Variants in RAB3GAP1 observed in about 807,000 individuals in gnomAD.
The protein encoded by RAB3GAP1 is RAB3 GTPase activating protein catalytic subunit 1.
Under a neutral mutation model 130.7 loss-of-function variants are expected in RAB3GAP1, and 86 were observed. That is an observed-to-expected ratio of 0.66 (90% CI 0.55 to 0.79). The LOEUF (loss-of-function observed/expected upper bound fraction) is 0.79. Among genes scored for constraint, RAB3GAP1 ranks in the 30% least tolerant of loss-of-function variants. The pLI is 0.00. For missense variants in RAB3GAP1, 1,029 were observed against 1,169.4 expected, an observed-to-expected ratio of 0.88 and a Z score of 1.75; for synonymous variants, 367 against 401.7, an observed-to-expected ratio of 0.91 and a Z score of 1.03.
chr2:135,079,392 TCTC>T (rs1212553604), intron 3 of RAB3GAP1, among the ~76,000 whole-genome samples: 2 of 152,208 alleles, frequency 1.3e-5, no homozygotes, highest in Non-Finnish European at 2.9e-5. Context: ...TCAGATGAAT[TCTC>T]CTGAACTAAT....
At chr2:135,089,046 C>A (rs538836220) in intron 3 of RAB3GAP1, among the ~76,000 whole-genome samples, 17 of 152,254 alleles carry the variant, frequency 1.1e-4, no homozygotes, top group African/African-American at 3.4e-4. Context: ...AATCTTTAAT[C>A]CATCTTAAAT....
intron 17 of RAB3GAP1, among the ~76,000 whole-genome samples, chr2:135,148,989 A>G (rs764560186): frequency 1.3e-5 from 2 of 152,186 alleles, no homozygotes; most frequent in Admixed American, 6.5e-5. Context: ...GTCCATGAAT[A>G]TAAGAATGCT....
intron 3 of RAB3GAP1, among the ~76,000 whole-genome samples, chr2:135,081,327 A>AAATATATATAT (rs1363481112): frequency 1.6e-5 from 1 of 64,050 alleles, no homozygotes; most frequent in Non-Finnish European, 2.3e-5. Context: ...AAAAAAAAAA[A>AAATATATATAT]ATATATATAT....
downstream of RAB3GAP1, among the ~76,000 whole-genome samples, chr2:135,174,243 G>A (rs1692941056): frequency 6.6e-6 from 1 of 150,536 alleles, no homozygotes; most frequent in Non-Finnish European, 1.5e-5. Context: ...CCCCAACTTG[G>A]GACCCCATCC....
intron 3 of RAB3GAP1, among the ~76,000 whole-genome samples, chr2:135,079,986 G>A (rs964515999): frequency 1.1e-4 from 16 of 151,998 alleles, no homozygotes; most frequent in African/African-American, 3.4e-4. Context: ...GCGCAGTGGC[G>A]GGCGCCTGTA....
At chr2:135,064,915 ATTT>A (rs545377016) in intron 3 of RAB3GAP1, among the ~76,000 whole-genome samples, 1 of 138,232 alleles carries the variant, frequency 7.2e-6, no homozygotes, top group Admixed American at 7.2e-5. Flanking sequence ...TCTGAAGAGT[ATTT>A]TTTTTTTTTT....
intron 18 of RAB3GAP1, chr2:135,152,859 AC>A (rs1278804853): frequency 1.3e-5 from 2 of 152,338 alleles, no homozygotes; most frequent in African/African-American, 4.8e-5. Flanking sequence ...TCTGTGCCTT[AC>A]CACAAACACT....
At chr2:135,077,971 A>G (rs1689677720) in intron 3 of RAB3GAP1, among the ~76,000 whole-genome samples, 1 of 152,192 alleles carries the variant, frequency 6.6e-6, no homozygotes, top group Non-Finnish European at 1.5e-5. Flanking sequence ...TATGACTTAC[A>G]AATATTTTCT....
At chr2:135,139,073 G>A (rs942738548) in intron 17 of RAB3GAP1, among the ~76,000 whole-genome samples, 1 of 151,924 alleles carries the variant, frequency 6.6e-6, no homozygotes, top group Non-Finnish European at 1.5e-5. Flanking sequence ...CCTGTGAATC[G>A]CCTATGATTT....
At chr2:135,136,099 G>A (rs1691674160) in intron 17 of RAB3GAP1, among the ~76,000 whole-genome samples, 167 bp downstream of exon 17, 1 of 152,224 alleles carries the variant, frequency 6.6e-6, no homozygotes, top group Non-Finnish European at 1.5e-5. Flanking sequence ...GCTGAGGTGG[G>A]CAGATCACCT....
At chr2:135,087,656 T>C (rs1460601277) in intron 3 of RAB3GAP1, among the ~76,000 whole-genome samples, 1 of 152,208 alleles carries the variant, frequency 6.6e-6, no homozygotes, top group African/African-American at 2.4e-5. Context: ...TTTTTAAAAC[T>C]TTCTCTTTCC....
chr2:135,089,835 A>G, intron 3 of RAB3GAP1: 1 of 407,446 alleles, frequency 2.5e-6, no homozygotes, highest in Middle Eastern at 7.8e-4. Context: ...TTAACACGGG[A>G]ACAGAAAACC....
chr2:135,099,539 G>A (rs985795457), intron 5 of RAB3GAP1, among the ~76,000 whole-genome samples: 1 of 151,816 alleles, frequency 6.6e-6, no homozygotes, highest in Non-Finnish European at 1.5e-5. Context: ...CATGTGGGAT[G>A]TTGGTCTGTA....
intron 5 of RAB3GAP1, among the ~76,000 whole-genome samples, chr2:135,109,362 A>G (rs534161001): frequency 1.3e-5 from 2 of 152,106 alleles, no homozygotes; most frequent in Admixed American, 1.3e-4. Flanking sequence ...GGTAACCATA[A>G]TTATTTTGCC....
At chr2:135,096,606 CAG>C (rs1248434169) in intron 5 of RAB3GAP1, among the ~76,000 whole-genome samples, 1 of 152,152 alleles carries the variant, frequency 6.6e-6, no homozygotes, top group East Asian at 1.9e-4. Context: ...AGCATAGTAT[CAG>C]AGCATGAGCT....
intron 3 of RAB3GAP1, among the ~76,000 whole-genome samples, chr2:135,086,622 T>G (rs1264170164): frequency 6.6e-6 from 1 of 151,772 alleles, no homozygotes; most frequent in Admixed American, 6.6e-5. Flanking sequence ...TTTTCAGGTA[T>G]GTATTTTGTT....
chr2:135,100,789 A>G (rs1401162469), intron 5 of RAB3GAP1, among the ~76,000 whole-genome samples: 4 of 152,240 alleles, frequency 2.6e-5, no homozygotes, highest in Non-Finnish European at 5.9e-5. Context: ...GGATTAATAG[A>G]TAAGGGAGTA....
intron 6 of RAB3GAP1, 120 bp from the exon 7 acceptor site, chr2:135,115,096 T>A (rs1690926961): frequency 3.3e-6 from 3 of 903,036 alleles, no homozygotes; most frequent in Non-Finnish European, 5.1e-6. Flanking sequence ...TGTGTTTTTG[T>A]TGTGTTTCCA....
At chr2:135,172,389 C>A (rs1248473935), downstream of RAB3GAP1, among the ~76,000 whole-genome samples, 1 of 150,656 alleles carries the variant, frequency 6.6e-6, no homozygotes, top group Non-Finnish European at 1.5e-5. Context: ...GAGCCAAGAT[C>A]ATGCCATTGC....
Sources: allele counts gnomAD v4.1 joint callset (sites outside exome capture counted in the v4.1 genomes callset), GRCh38; gene constraint gnomAD v4.1.1; transcripts MANE v1.5; gene names NCBI Gene and HGNC (gene_info 2026-07-23, HGNC 2026-07-21).